Variants in TMCO5A observed in about 807,000 individuals in gnomAD.
TMCO5A encodes the protein transmembrane and coiled-coil domains 5A, also known as transmembrane and coiled-coil domain-containing protein 5A.
A neutral mutation model predicts 42.3 loss-of-function variants in TMCO5A; 34 were observed. The observed-to-expected ratio is 0.80, with a 90% CI of 0.61 to 1.07. The LOEUF is 1.07. Among genes scored for constraint, TMCO5A ranks in the 50% least tolerant of loss-of-function variants. The pLI, the probability that TMCO5A is intolerant of heterozygous loss-of-function variation, is 0.00. For synonymous variants in TMCO5A, 131 were observed against 115.6 expected (o/e 1.13, Z -0.86); for missense variants, 357 against 327.9 (o/e 1.09, Z -0.69).
At chr15:38,011,191 A>T in the TMCO5A span, among the ~76,000 whole-genome samples, 1 of 152,190 alleles carries the variant, frequency 6.6e-6, no homozygotes, top group Non-Finnish European at 1.5e-5. Context: ...TGGAATCAAG[A>T]TATCGGCAGA....
chr15:38,010,839 G>A, the TMCO5A span, among the ~76,000 whole-genome samples: 27 of 152,074 alleles, frequency 1.8e-4, no homozygotes, highest in Non-Finnish European at 3.2e-4. Context: ...TGCAACCTCC[G>A]TCTCCCAGGT....
the TMCO5A span, among the ~76,000 whole-genome samples, chr15:38,033,149 C>T: frequency 8.6e-5 from 13 of 151,980 alleles, no homozygotes; most frequent in Non-Finnish European, 1.5e-5. Flanking sequence ...AGGATGGTCT[C>T]GATTTCCTGA....
the TMCO5A span, among the ~76,000 whole-genome samples, chr15:38,014,703 A>G: frequency 6.6e-6 from 1 of 151,698 alleles, no homozygotes. Flanking sequence ...CTTTCTTTCT[A>G]TGTTCCCTGT....
chr15:37,951,229 C>G lies in TMCO5A; in HGVS notation c.862C>G (p.His288Asp). ...LTLETEDMLP[H>D] ...ACTTGAGACAGAGGACATGTTACCC[C>G]ACTGATTCCCTAAGAAATATCCTTG... Residue 288 changes from histidine (H) to aspartate (D), a missense_variant, in exon 12 of 12, where the codon CAC (histidine) becomes GAC (aspartate). Coordinates refer to ENST00000319669, the MANE Select transcript of TMCO5A (RefSeq NM_152453.4). The G allele has an allele frequency of 6.2e-7, 1 of 1,613,412 alleles. No homozygotes were observed.
At chr15:37,981,789 G>A in the TMCO5A span, among the ~76,000 whole-genome samples, 4 of 152,192 alleles carry the variant, frequency 2.6e-5, no homozygotes. Context: ...CTATTGTAGG[G>A]GAGATAAACG....
At chr15:37,967,572 T>C (rs927010601) in exon 12 of TMCO5A, 2 of 152,218 alleles carry the variant, frequency 1.3e-5, no homozygotes, top group African/African-American at 4.8e-5. Flanking sequence ...CCAGAGGCTG[T>C]AACCTTCTTA....
intron 11 of TMCO5A, among the ~76,000 whole-genome samples, chr15:37,964,823 A>C (rs941637338): frequency 1.3e-5 from 2 of 152,194 alleles, no homozygotes; most frequent in Non-Finnish European, 2.9e-5. Context: ...ATATTGTTAA[A>C]ATATCCATAC....
chr15:38,035,729 G>A, the TMCO5A span, among the ~76,000 whole-genome samples: 1 of 152,172 alleles, frequency 6.6e-6, no homozygotes, highest in Non-Finnish European at 1.5e-5. Flanking sequence ...ACTGTACTGG[G>A]AATGTTAACC....
At chr15:37,952,068 C>T (rs1021012473), downstream of TMCO5A, among the ~76,000 whole-genome samples, 2 of 152,150 alleles carry the variant, frequency 1.3e-5, no homozygotes. Flanking sequence ...TAAACCAGCC[C>T]TAGCTAGAGG....
the TMCO5A span, among the ~76,000 whole-genome samples, chr15:38,019,193 T>C: frequency 3.3e-5 from 5 of 152,288 alleles, no homozygotes; most frequent in East Asian, 7.7e-4. Context: ...GTAAAATCCT[T>C]GAGTCAAAAT....
chr15:37,955,893 G>C (rs564023727), downstream of TMCO5A, among the ~76,000 whole-genome samples: 2 of 152,132 alleles, frequency 1.3e-5, no homozygotes, highest in South Asian at 4.1e-4. Flanking sequence ...ATAACAAACA[G>C]CCTCTCAGAC....
the TMCO5A span, among the ~76,000 whole-genome samples, chr15:38,019,115 A>G: frequency 2.0e-5 from 3 of 152,332 alleles, no homozygotes; most frequent in South Asian, 6.2e-4. Flanking sequence ...AATAAATCAT[A>G]GTGAAGAATT....
chr15:37,949,459 C>A (rs986151693), intron 11 of TMCO5A, among the ~76,000 whole-genome samples: 7 of 152,100 alleles, frequency 4.6e-5, no homozygotes, highest in African/African-American at 1.7e-4. Flanking sequence ...TACTATGACG[C>A]TATAGTAATT....
chr15:37,941,267 C>T, intron 7 of TMCO5A, 62 bp downstream of exon 7: 1 of 1,493,298 alleles, frequency 6.7e-7, no homozygotes. Context: ...TTTGGTCAGG[C>T]AATCTATTTC....
At chr15:37,970,720 G>A (rs1224341922), downstream of TMCO5A, among the ~76,000 whole-genome samples, 2 of 152,202 alleles carry the variant, frequency 1.3e-5, no homozygotes, top group African/African-American at 4.8e-5. Flanking sequence ...TTCCAAATGG[G>A]AGAAATTAAC....
At chr15:38,031,711 G>A in the TMCO5A span, among the ~76,000 whole-genome samples, 38 of 152,114 alleles carry the variant, frequency 2.5e-4, no homozygotes, top group South Asian at 8.3e-4. Flanking sequence ...GAGACCTTGA[G>A]CCAAAAATCA....
chr15:37,994,902 A>C, the TMCO5A span, among the ~76,000 whole-genome samples: 1 of 152,212 alleles, frequency 6.6e-6, no homozygotes, highest in Non-Finnish European at 1.5e-5. Flanking sequence ...CAAAGAGAGC[A>C]AACGTCAGCA....
the TMCO5A span, chr15:38,020,476 C>A: frequency 6.6e-6 from 1 of 152,056 alleles, no homozygotes; most frequent in African/African-American, 2.4e-5. Flanking sequence ...AGAAGCAAGC[C>A]GGCTGAAGTT....
At chr15:38,028,487 C>A in the TMCO5A span, among the ~76,000 whole-genome samples, 3 of 152,162 alleles carry the variant, frequency 2.0e-5, no homozygotes, top group Non-Finnish European at 4.4e-5. Flanking sequence ...GTGACTGTCA[C>A]AGTTGGTGCT....
Sources: gnomAD v4.1 joint callset for allele counts (sites outside exome capture counted in the v4.1 genomes callset) on GRCh38, gnomAD v4.1.1 for gene constraint, MANE v1.5 for transcripts, NCBI Gene and HGNC (gene_info 2026-07-23, HGNC 2026-07-21) for gene names.